Variants in SHOX2 observed in about 807,000 individuals in gnomAD.
SHOX2 encodes short stature homeobox protein 2.
SHOX2 carries 13 observed loss-of-function variants against 31.3 expected under a neutral mutation model. That is an observed-to-expected ratio of 0.42 (90% CI 0.27 to 0.66). The LOEUF is 0.66. SHOX2 is among the 30% of genes least tolerant of loss of function. The pLI, the probability that SHOX2 is intolerant of heterozygous loss-of-function variation, is 0.27. For synonymous variants in SHOX2, 244 were observed against 196.2 expected (o/e 1.24, Z -2.04); for missense variants, 473 against 443.0 (o/e 1.07, Z -0.61).
In SHOX2 at chr3:158,097,850, C is replaced by T; in HGVS notation, c.*177G>A. The T allele has an allele frequency of 1.2e-6, 1 of 811,074 alleles. No homozygotes were observed. Among genetic ancestry groups the T allele is most frequent in the East Asian group, 2.5e-5 (1 of 39,884 alleles). The allele number at this position is 811,074 out of a possible 1,614,324, so 50.2% of individuals were successfully genotyped here. A position where few individuals can be genotyped will look rare whatever the true frequency, so the allele number is the denominator to read the frequency against. ...TGCGTGCCTCGTGAGATCCCTGGTC[C>T]TGCGTGGAGTCTGGCTTTCCGAGTC... On this transcript the variant is annotated 3_prime_UTR_variant, in exon 5 of 5. Coordinates refer to ENST00000483851, the MANE Select transcript of SHOX2 (RefSeq NM_001163678.2).
intron 1 of SHOX2, 53 bp from the exon 2 acceptor site, chr3:158,102,939 C>T (rs989337102): frequency 2.0e-5 from 28 of 1,431,458 alleles, no homozygotes; most frequent in Admixed American, 5.0e-5. Context: ...AACACACACA[C>T]ACACGCACAC....
At position 158,106,255 on chromosome 3, in the gene SHOX2, A is replaced by T; in HGVS notation, c.-231T>A. 1.7e-6 allele frequency: 1 copy of T among 583,250 alleles called. No individual in the cohort carries two copies. 36.1% of individuals were successfully genotyped at this position (583,250 alleles called of 1,614,324 possible). ...TAAGAAGAGGAGGAGGAGGAAGAAG[A>T]GGAAGAGGGGGAGAAGGGTGAAGAG... is the stretch of plus-strand genomic sequence containing the variant. On this transcript the variant is annotated 5_prime_UTR_variant, in exon 1 of 5. Coordinates refer to ENST00000483851, the MANE Select transcript of SHOX2 (RefSeq NM_001163678.2).
chr3:158,101,977 G>C (rs1383991380), intron 2 of SHOX2, among the ~76,000 whole-genome samples: 1 of 152,100 alleles, frequency 6.6e-6, no homozygotes, highest in Non-Finnish European at 1.5e-5. Context: ...GGTATGGCAC[G>C]TGCTGGAGGG....
At chr3:158,099,978 G>A (rs1458446146) in intron 3 of SHOX2, 30 bp from the exon 4 acceptor site, 1 of 1,577,296 alleles carries the variant, frequency 6.3e-7, no homozygotes, top group African/African-American at 1.3e-5. Context: ...AAAATAATGT[G>A]AGGTTAACGT....
At chr3:158,104,936 C>T in intron 1 of SHOX2, 1 of 678,630 alleles carries the variant, frequency 1.5e-6, no homozygotes, top group South Asian at 1.6e-5. Context: ...TAACACTGAG[C>T]TAGCACCAAA....
Position 158,098,159 on chromosome 3 carries a change from C to G in SHOX2, c.828G>C (p.Thr276=). ...PAPPFGLPLA[T]LAADSASAAS... is the part of the protein sequence containing the mutation. The stretch of plus-strand genomic sequence containing the variant: ...CGGCGGAAGCCGAATCCGCGGCCAG[C>G]GTGGCGAGCGGCAGTCCGAAGGGCG... Residue 276 remains threonine (T), a synonymous_variant, in exon 5 of 5, where the codon ACG becomes ACC. Transcript: ENST00000483851. The G allele has an allele frequency of 6.2e-7, 1 of 1,613,380 alleles. No individual in the cohort carries two copies. The highest frequency in any genetic ancestry group is 8.5e-7 in the Non-Finnish European group (1 of 1,179,664).
intron 2 of SHOX2, among the ~76,000 whole-genome samples, chr3:158,101,214 A>G (rs1325143228): frequency 6.6e-6 from 1 of 152,214 alleles, no homozygotes; most frequent in Admixed American, 6.5e-5. Context: ...TTAAAACCCC[A>G]TTAAAGTAAA....
In SHOX2 at chr3:158,105,887, C is replaced by T. The variant is rs765722978; in HGVS notation, c.138G>A (p.Ala46=). Residue 46 remains alanine (A), a synonymous_variant, in exon 1 of 5, where the codon GCG becomes GCA. Transcript: ENST00000483851. ...GAKEPTGCTE[A]GRDDRSSPAV... ...CCGGGCTGCTGCGGTCGTCGCGGCC[C>T]GCCTCGGTGCAGCCGGTCGGCTCCT... 5 of 1,553,194 alleles carry T rather than the reference C, an allele frequency of 3.2e-6. No homozygotes were observed. The African/African-American group carries it at 4.3e-5, about 13-fold the overall frequency.
At chr3:158,105,228 G>C (rs564381782) in intron 1 of SHOX2, 13 of 741,770 alleles carry the variant, frequency 1.8e-5, no homozygotes, top group African/African-American at 1.7e-4. Context: ...CTAGGCGACC[G>C]GAGGGTTAAG....
intron 1 of SHOX2, 97 bp downstream of exon 1, chr3:158,105,582 T>C: frequency 8.9e-7 from 1 of 1,128,282 alleles, no homozygotes; most frequent in Non-Finnish European, 1.2e-6. Context: ...TCCGTGTCCC[T>C]CTCCCCTCCC....
chr3:158,100,325 G>A lies in SHOX2; in HGVS notation c.556-14C>T, dbSNP rs779230991. On this transcript the variant is annotated splice_polypyrimidine_tract_variant and intron_variant, in intron 2 of 4. Transcript: ENST00000483851. ...TTGAAACCAAACCTATAGGTTGGAG[G>A]GGGAAAAAAAATAAAACCTAGATGT... 2.5e-6 allele frequency: 4 copies of A among 1,574,388 alleles called. No homozygotes were observed. The highest frequency in any genetic ancestry group is 1.2e-5 in the South Asian group (1 of 84,094).
chr3:158,105,372 G>T, intron 1 of SHOX2: 1 of 590,720 alleles, frequency 1.7e-6, no homozygotes, highest in Non-Finnish European at 3.0e-6. Flanking sequence ...GGCCATCCGG[G>T]CTGCGGGCCC....
rs992906377 is a variant in SHOX2, at chr3:158,096,310, C to T, written c.*1717G>A. 8.6e-5 allele frequency: 13 copies of T among 152,016 alleles called. No individual in the cohort carries two copies. The highest frequency in any genetic ancestry group is 2.7e-4 in the African/African-American group (11 of 41,346). The allele number at this position is 152,016 out of a possible 1,614,324, so 9.4% of individuals were successfully genotyped here. On this transcript the variant is annotated 3_prime_UTR_variant, in exon 5 of 5. Coordinates refer to ENST00000483851, the MANE Select transcript of SHOX2 (RefSeq NM_001163678.2). ...AGGTAAAACAAAAACAAAAACAAAA[C>T]CCCACAAACTTAGGCTTGCTAGCGA... is the stretch of plus-strand genomic sequence containing the variant.
intron 1 of SHOX2, 88 bp downstream of exon 1, chr3:158,105,591 C>T (rs1559899071): frequency 1.6e-6 from 2 of 1,244,600 alleles, no homozygotes; most frequent in Non-Finnish European, 2.2e-6. Flanking sequence ...CTCTCCCCTC[C>T]CCGCTGGGCC....
intron 3 of SHOX2, 64 bp downstream of exon 3, chr3:158,100,190 T>C (rs1042912250): frequency 2.4e-5 from 31 of 1,302,484 alleles, no homozygotes; most frequent in Non-Finnish European, 3.3e-5. Flanking sequence ...GTCATTGTAA[T>C]AGTAATATTC....
intron 4 of SHOX2, among the ~76,000 whole-genome samples, chr3:158,099,544 G>T (rs1354023128): frequency 6.6e-6 from 1 of 152,176 alleles, no homozygotes; most frequent in African/African-American, 2.4e-5. Flanking sequence ...CTCTGTATTG[G>T]ATTTGACAAA....
rs1033578159 is a variant in SHOX2 at position 158,105,746 on chromosome 3, G to A, written c.279C>T (p.Pro93=). The A allele has an allele frequency of 3.3e-6, 5 of 1,521,692 alleles. No homozygotes were observed. In the African/African-American group the frequency reaches 5.7e-5, roughly 17 times the overall value. 94.3% of individuals were successfully genotyped at this position (1,521,692 alleles called of 1,614,324 possible). Residue 93 remains proline, a synonymous_variant, in exon 1 of 5, where the codon CCC becomes CCT. Transcript: ENST00000483851. The part of the protein sequence containing the change: ...AGGGAGGGRS[P]VRELDMGAAE... ...CGGCGCCCATGTCCAGCTCCCGGAC[G>A]GGAGAGCGCCCTCCTCCAGCTCCTC...
chr3:158,105,047 C>T, intron 1 of SHOX2: 1 of 549,416 alleles, frequency 1.8e-6, no homozygotes, highest in Non-Finnish European at 3.4e-6. Context: ...CCCCCCCCGC[C>T]CCCAACACAC....
intron 2 of SHOX2, 79 bp from the exon 3 acceptor site, chr3:158,100,390 G>T: frequency 2.9e-6 from 3 of 1,043,574 alleles, no homozygotes; most frequent in Non-Finnish European, 4.2e-6. Context: ...AGTACAAAGA[G>T]AAAAGAGTCG....
Sources: allele counts gnomAD v4.1 joint callset (sites outside exome capture counted in the v4.1 genomes callset), GRCh38; gene constraint gnomAD v4.1.1; transcripts MANE v1.5; gene names NCBI Gene and HGNC (gene_info 2026-07-23, HGNC 2026-07-21).